ATG7: variants seen among roughly 807,000 people sequenced by gnomAD.
ATG7 encodes autophagy related 7.
ATG7 carries 70 observed loss-of-function variants against 82.4 expected under a neutral mutation model. The observed-to-expected ratio is 0.85, with a 90% CI of 0.70 to 1.04. The LOEUF (loss-of-function observed/expected upper bound fraction) is 1.04, where lower values mean the gene tolerates loss of function less well. Among genes scored for constraint, ATG7 ranks in the 50% least tolerant of loss-of-function variants. The pLI, the probability that ATG7 is intolerant of heterozygous loss-of-function variation, is 0.00. For missense variants in ATG7, 792 were observed against 864.3 expected (o/e 0.92, Z 1.05); for synonymous variants, 287 against 313.0 (o/e 0.92, Z 0.88).
rs1491376048 is a variant in ATG7 at position 11,497,358 on chromosome 3, T to TATATAC, written c.2080-57448_2080-57447insCATATA. Among the ~76,000 whole-genome samples, 12 of 4,042 alleles carry TATATAC rather than the reference T, an allele frequency of 3.0e-3. No homozygotes were observed. In the South Asian group the frequency reaches 0.13, roughly 45 times the overall value. 2.7% of individuals were successfully genotyped at this position (4,042 alleles called of 152,430 possible). ...GAAACCCCGTCTGTACTAAAAATAC[T>TATATAC]ATATATATATATATATATATATATA... On this transcript the variant is annotated intron_variant, in intron 20 of 20. Coordinates refer to ENST00000693202, the MANE Select transcript of ATG7 (RefSeq NM_001349232.2).
downstream of ATG7, among the ~76,000 whole-genome samples, chr3:11,560,126 G>A (rs140457675): frequency 6.6e-6 from 1 of 151,718 alleles, no homozygotes; most frequent in South Asian, 2.1e-4. Context: ...ATCTCTCTCT[G>A]AAGCCTTTCA....
At chr3:11,525,959 T>G (rs999392801) in intron 20 of ATG7, among the ~76,000 whole-genome samples, 1 of 152,184 alleles carries the variant, frequency 6.6e-6, no homozygotes, top group African/African-American at 2.4e-5. Context: ...AGGATTATTT[T>G]GAGAATTTAA....
chr3:11,378,706 A>AAAAAAAAC (rs1559501467), intron 18 of ATG7, among the ~76,000 whole-genome samples: 6 of 150,084 alleles, frequency 4.0e-5, no homozygotes, highest in African/African-American at 1.2e-4. Flanking sequence ...AAAAAAAAAA[A>AAAAAAAAC]AAATTGCTGT....
At chr3:11,326,246 C>T (rs989062078) in intron 9 of ATG7, among the ~76,000 whole-genome samples, 1 of 151,826 alleles carries the variant, frequency 6.6e-6, no homozygotes, top group Admixed American at 6.6e-5. Flanking sequence ...CTAGTTTCTC[C>T]CTTCTCCCCC....
chr3:11,458,651 C>T (rs148730360), intron 20 of ATG7, among the ~76,000 whole-genome samples: 186 of 152,298 alleles, frequency 1.2e-3, no homozygotes, highest in African/African-American at 4.4e-3. Flanking sequence ...ACTCAGTTCC[C>T]TCTAAAAAAT....
At chr3:11,531,259 G>A (rs1404757275) in intron 20 of ATG7, among the ~76,000 whole-genome samples, 1 of 152,222 alleles carries the variant, frequency 6.6e-6, no homozygotes, top group African/African-American at 2.4e-5. Flanking sequence ...AGAGTCCAGA[G>A]GAAGTCAAGG....
intron 5 of ATG7, among the ~76,000 whole-genome samples, chr3:11,305,540 T>C (rs1243792547): frequency 6.6e-6 from 1 of 152,262 alleles, no homozygotes; most frequent in Non-Finnish European, 1.5e-5. Context: ...GTTTACCAAC[T>C]GCTCTGCTTT....
At chr3:11,574,799 G>A in the ATG7 span, among the ~76,000 whole-genome samples, 1 of 132,990 alleles carries the variant, frequency 7.5e-6, no homozygotes, top group African/African-American at 3.6e-5. Flanking sequence ...GTGTGTGTGT[G>A]TGTGTGTGTG....
At chr3:11,562,523 C>A (rs1006054844), downstream of ATG7, among the ~76,000 whole-genome samples, 2 of 152,226 alleles carry the variant, frequency 1.3e-5, no homozygotes, top group African/African-American at 4.8e-5. Context: ...CTCTGAGCTG[C>A]AGGATGACAC....
chr3:11,541,409 A>G (rs892964047), intron 20 of ATG7, among the ~76,000 whole-genome samples: 1 of 152,092 alleles, frequency 6.6e-6, no homozygotes, highest in East Asian at 1.9e-4. Flanking sequence ...CTACCTCTGT[A>G]TTCCTGGTTA....
At chr3:11,469,024 T>G (rs949367682) in intron 20 of ATG7, among the ~76,000 whole-genome samples, 1 of 152,202 alleles carries the variant, frequency 6.6e-6, no homozygotes, top group Non-Finnish European at 1.5e-5. Flanking sequence ...CATCTCTTCT[T>G]GAGTTTGCTT....
chr3:11,535,277 C>T (rs994267996), intron 20 of ATG7, among the ~76,000 whole-genome samples: 8 of 152,336 alleles, frequency 5.3e-5, no homozygotes, highest in Non-Finnish European at 7.4e-5. Flanking sequence ...CTGGTGTCAT[C>T]TGAGGTGTCC....
chr3:11,531,431 G>T (rs1280284335), intron 20 of ATG7, among the ~76,000 whole-genome samples: 1 of 152,164 alleles, frequency 6.6e-6, no homozygotes, highest in Non-Finnish European at 1.5e-5. Flanking sequence ...CCTTCCTGAG[G>T]TCCCACCACC....
chr3:11,510,711 C>A (rs929815035), intron 20 of ATG7, among the ~76,000 whole-genome samples: 4 of 152,196 alleles, frequency 2.6e-5, no homozygotes, highest in African/African-American at 9.7e-5. Flanking sequence ...AAAATGGATT[C>A]TGTTTTCTTT....
At chr3:11,529,341 CAAGAG>C (rs1425591079) in intron 20 of ATG7, 1 of 152,164 alleles carries the variant, frequency 6.6e-6, no homozygotes. Flanking sequence ...AACCGTAACA[CAAGAG>C]AAGCTGCTTG....
chr3:11,434,400 G>A (rs1030501887), intron 20 of ATG7, among the ~76,000 whole-genome samples: 1 of 152,148 alleles, frequency 6.6e-6, no homozygotes, highest in Non-Finnish European at 1.5e-5. Flanking sequence ...TTTTCCCAGA[G>A]CCTTCTGCTA....
At chr3:11,405,899 A>C (rs547801636) in intron 19 of ATG7, among the ~76,000 whole-genome samples, 1 of 152,254 alleles carries the variant, frequency 6.6e-6, no homozygotes, top group South Asian at 2.1e-4. Context: ...GATTATAGGC[A>C]TGATGCCTGT....
At chr3:11,407,753 G>T (rs1207237140) in intron 19 of ATG7, among the ~76,000 whole-genome samples, 2 of 152,244 alleles carry the variant, frequency 1.3e-5, no homozygotes, top group African/African-American at 2.4e-5. Context: ...CATGAACTCT[G>T]TGTTGGCCCC....
At chr3:11,418,567 A>ATC (rs2081632001) in intron 19 of ATG7, among the ~76,000 whole-genome samples, 1 of 152,186 alleles carries the variant, frequency 6.6e-6, no homozygotes, top group Non-Finnish European at 1.5e-5. Flanking sequence ...TGGAGTTTTT[A>ATC]TCACTGGGGC....
Sources: gnomAD v4.1 joint callset for allele counts (sites outside exome capture counted in the v4.1 genomes callset) on GRCh38, gnomAD v4.1.1 for gene constraint, MANE v1.5 for transcripts, NCBI Gene and HGNC (gene_info 2026-07-23, HGNC 2026-07-21) for gene names.